ATP2A2: variants seen among roughly 807,000 people sequenced by gnomAD.
ATP2A2 encodes sarcoplasmic/endoplasmic reticulum calcium ATPase 2.
In ATP2A2, 14 loss-of-function variants were observed where a neutral mutation model predicts 109.3. The ratio of observed to expected loss-of-function variants is 0.13; its 90% CI spans 0.08 to 0.20. The LOEUF (loss-of-function observed/expected upper bound fraction) is 0.20, where lower values mean the gene tolerates loss of function less well. Among genes scored for constraint, ATP2A2 ranks in the 10% least tolerant of loss-of-function variants. The probability of loss-of-function intolerance (pLI) is 1.00; values close to 1 mark genes in which losing one functional copy is unlikely to be tolerated. For missense variants in ATP2A2, 657 were observed against 1,321.6 expected (o/e 0.50, Z 7.80); for synonymous variants, 506 against 490.9 (o/e 1.03, Z -0.41).
chr12:110,313,162 TC>T (rs1286016507), intron 5 of ATP2A2, among the ~76,000 whole-genome samples: 6 of 152,242 alleles, frequency 3.9e-5, no homozygotes, highest in African/African-American at 1.4e-4. Flanking sequence ...GGCATTTCCT[TC>T]CTGATTTCCT....
chr12:110,319,671 A>T (rs1209316134), intron 5 of ATP2A2, among the ~76,000 whole-genome samples: 3 of 149,584 alleles, frequency 2.0e-5, no homozygotes, highest in Admixed American at 6.7e-5. Flanking sequence ...TATACTACAC[A>T]TATTGTATAT....
At chr12:110,310,111 A>G (rs886628772) in intron 5 of ATP2A2, among the ~76,000 whole-genome samples, 3 of 151,976 alleles carry the variant, frequency 2.0e-5, no homozygotes, top group Non-Finnish European at 2.9e-5. Context: ...GAATCAAGCT[A>G]TAATAGCCTA....
rs770699123 is a variant in ATP2A2 at position 110,323,116 on chromosome 12, C to T, written c.544+44C>T. On this transcript the variant is annotated intron_variant, in intron 6 of 19. Transcript: ENST00000539276. ...GTCATTGAATTTCTGAAGACCTTCG[C>T]ATATTCCATGCCAATAGAGTTGGCT... is the stretch of plus-strand genomic sequence containing the variant. 4 of 1,440,006 alleles carry T rather than the reference C, an allele frequency of 2.8e-6. No homozygotes were observed. The South Asian group carries it at 3.4e-5, about 12-fold the overall frequency. 89.2% of individuals were successfully genotyped at this position (1,440,006 alleles called of 1,614,324 possible). A position where few individuals can be genotyped will look rare whatever the true frequency, so the allele number is the denominator to read the frequency against.
intron 5 of ATP2A2, among the ~76,000 whole-genome samples, chr12:110,305,591 C>A (rs1875198864): frequency 1.3e-5 from 2 of 152,208 alleles, no homozygotes; most frequent in Admixed American, 1.3e-4. Flanking sequence ...TCTATTCTTA[C>A]TCCATTGATC....
Position 110,327,992 on chromosome 12 carries a change from C to A in ATP2A2, c.1070C>A (p.Thr357Lys). 2 of 1,613,936 alleles carry A rather than the reference C, an allele frequency of 1.2e-6. No homozygotes were observed. The highest frequency in any genetic ancestry group is 1.7e-6 in the Non-Finnish European group (2 of 1,179,960). The change falls in exon 8 of 20, where the codon ACA becomes AAA. Residue 357 changes from threonine to lysine, a missense_variant. By Grantham distance (78) the Thr-to-Lys change is moderately conservative. This residue lies in a region of ATP2A2 where 46 missense variants were observed against 62.0 expected (regional missense o/e 0.74). Coordinates refer to ENST00000539276, the MANE Select transcript of ATP2A2 (RefSeq NM_170665.4). The surrounding 1 kb of genome is among the most constrained non-coding windows in gnomAD (Gnocchi z 4.4). ...VICSDKTGTLTTNQMSVCRMF... is the reference protein window; with the variant it reads ...VICSDKTGTLKTNQMSVCRMF... The stretch of plus-strand genomic sequence containing the variant: ...TGCTCAGACAAGACTGGTACACTTA[C>A]AACAAACCAGATGTCAGTCTGCAGG...
Position 110,343,364 on chromosome 12 carries a change from T to C in ATP2A2, c.2451T>C (p.Asn817=), listed in dbSNP as rs747883969. 2 of 1,614,246 alleles carry C rather than the reference T, an allele frequency of 1.2e-6. No homozygotes were observed. The highest frequency in any genetic ancestry group is 8.5e-7 in the Non-Finnish European group (1 of 1,180,038). ...GFNPPDLDIM[N]KPPRNPKEPL... is the part of the protein sequence containing the mutation. ...ACCCTCCTGATCTGGACATCATGAA[T>C]AAACCTCCCCGGAACCCAAAGGAAC... Residue 817 remains asparagine, a synonymous_variant, in exon 16 of 20, where the codon AAT becomes AAC. Transcript: ENST00000539276.
At chr12:110,341,768 G>C (rs1879379138) in intron 14 of ATP2A2, among the ~76,000 whole-genome samples, 1 of 152,182 alleles carries the variant, frequency 6.6e-6, no homozygotes, top group South Asian at 2.1e-4. Flanking sequence ...AGCTACTCGG[G>C]AGATTGAGGC....
chr12:110,281,654 A>G lies in ATP2A2; in HGVS notation c.-136A>G, dbSNP rs559916383. ...GTGATTCAGCGCCCGGCGAGGCGGA[A>G]GCGGCCGCAAGAGGAGGAGGGGAGA... On this transcript the variant is annotated 5_prime_UTR_variant, in exon 1 of 20. Coordinates refer to ENST00000539276, the MANE Select transcript of ATP2A2 (RefSeq NM_170665.4). 3.1e-5 allele frequency: 13 copies of G among 413,838 alleles called. No homozygotes were observed. The highest frequency in any genetic ancestry group is 2.8e-4 in the African/African-American group (13 of 46,592). The allele number at this position is 413,838 out of a possible 1,614,324, so 25.6% of individuals were successfully genotyped here. A position where few individuals can be genotyped will look rare whatever the true frequency, so the allele number is the denominator to read the frequency against.
chr12:110,322,872 A>G (rs1487540755), intron 5 of ATP2A2, 120 bp from the exon 6 acceptor site: 5 of 775,190 alleles, frequency 6.5e-6, no homozygotes, highest in East Asian at 2.6e-5. Context: ...AATTTTATGT[A>G]TTTGTGTTAT....
chr12:110,331,215 C>T (rs1878303678), intron 8 of ATP2A2: 1 of 150,328 alleles, frequency 6.7e-6, no homozygotes, highest in Non-Finnish European at 1.5e-5. Context: ...TCCACCCAGC[C>T]TAGGCGACAG....
At position 110,348,318 on chromosome 12, in the gene ATP2A2, G is replaced by C. The variant is rs1033921984; in HGVS notation, c.*1848G>C. 2 of 985,326 alleles carry C rather than the reference G, an allele frequency of 2.0e-6. No individual in the cohort carries two copies. Among genetic ancestry groups the C allele is most frequent in the African/African-American group, 1.7e-5 (1 of 57,264 alleles). The allele number at this position is 985,326 out of a possible 1,614,324, so 61.0% of individuals were successfully genotyped here. A position where few individuals can be genotyped will look rare whatever the true frequency, so the allele number is the denominator to read the frequency against. On this transcript the variant is annotated 3_prime_UTR_variant, in exon 20 of 20. Coordinates refer to ENST00000539276, the MANE Select transcript of ATP2A2 (RefSeq NM_170665.4). ...GGTGGCTAAGACTTAGCTCTGCAGG[G>C]GATGTTAAAGCACAGTTAGTAGGAC... is the stretch of plus-strand genomic sequence containing the variant.
At chr12:110,338,509 G>A in intron 11 of ATP2A2, among the ~76,000 whole-genome samples, 1 of 152,182 alleles carries the variant, frequency 6.6e-6, no homozygotes, top group East Asian at 1.9e-4. Context: ...CCAGGGTGGA[G>A]TGAAGTGGCG....
At chr12:110,338,378 TG>T (rs1879040504) in intron 11 of ATP2A2, among the ~76,000 whole-genome samples, 1 of 152,230 alleles carries the variant, frequency 6.6e-6, no homozygotes, top group African/African-American at 2.4e-5. Flanking sequence ...CAGCTCTGCT[TG>T]GGGCCATCTC....
At position 110,340,538 on chromosome 12, in the gene ATP2A2, C is replaced by CAA. The variant is rs936356149; in HGVS notation, c.1762-109_1762-108dup. The CAA allele has an allele frequency of 1.6e-3, 1,410 of 904,628 alleles. No individual in the cohort carries two copies. Among genetic ancestry groups the CAA allele is most frequent in the Non-Finnish European group, 1.8e-3 (1,155 of 642,448 alleles). The allele number at this position is 904,628 out of a possible 1,614,324, so 56.0% of individuals were successfully genotyped here. On this transcript the variant is annotated intron_variant, in intron 13 of 19. Transcript: ENST00000539276. The surrounding 1 kb of genome is among the most constrained non-coding windows in gnomAD (Gnocchi z 6.0). ...GGGCAACAAGAGCGAAACTCCGCCT[C>CAA]AAAAAAAAAAAAAGAAAAAAAATGC...
intron 3 of ATP2A2, among the ~76,000 whole-genome samples, chr12:110,290,940 C>A (rs1393057253): frequency 6.8e-6 from 1 of 147,532 alleles, no homozygotes; most frequent in Non-Finnish European, 1.5e-5. Flanking sequence ...TTGAGTTTTG[C>A]TTTTGTTGCC....
chr12:110,349,553 G>A lies in ATP2A2; in HGVS notation c.*3083G>A, dbSNP rs1253197439. 2.0e-6 allele frequency: 2 copies of A among 986,526 alleles called. No homozygotes were observed. Among genetic ancestry groups the A allele is most frequent in the Non-Finnish European group, 2.4e-6 (2 of 830,712 alleles). 61.1% of individuals were successfully genotyped at this position (986,526 alleles called of 1,614,324 possible). A position where few individuals can be genotyped will look rare whatever the true frequency, so the allele number is the denominator to read the frequency against. On this transcript the variant is annotated 3_prime_UTR_variant, in exon 20 of 20. Transcript: ENST00000539276. ...CTCAGTGAGCTCCCAGGCAAGCAGG[G>A]CATCTGGCCGACTTCCCTCACAACA... is the stretch of plus-strand genomic sequence containing the variant.
At chr12:110,293,372 T>TG (rs1873539955) in intron 4 of ATP2A2, among the ~76,000 whole-genome samples, 2 of 114,696 alleles carry the variant, frequency 1.7e-5, no homozygotes, top group African/African-American at 3.6e-5. Flanking sequence ...CCGGCCTTTT[T>TG]TTTTTTTTTT....
At chr12:110,313,317 T>G (rs1876301204) in intron 5 of ATP2A2, among the ~76,000 whole-genome samples, 1 of 146,586 alleles carries the variant, frequency 6.8e-6, no homozygotes, top group East Asian at 1.9e-4. Context: ...TTCCTTTTTT[T>G]TTTTTTTTTT....
At chr12:110,304,960 T>C (rs1268543136) in intron 5 of ATP2A2, among the ~76,000 whole-genome samples, 1 of 151,966 alleles carries the variant, frequency 6.6e-6, no homozygotes, top group Non-Finnish European at 1.5e-5. Context: ...GACGGAGTCT[T>C]GCTCTGTTGT....
Sources: allele counts gnomAD v4.1 joint callset (sites outside exome capture counted in the v4.1 genomes callset), GRCh38; gene constraint gnomAD v4.1.1; regional missense constraint gnomAD v4.1.1; non-coding constraint Gnocchi (gnomAD v3.1); transcripts MANE v1.5; gene names NCBI Gene and HGNC (gene_info 2026-07-23, HGNC 2026-07-21).